MEGF11: variants seen among roughly 807,000 people sequenced by gnomAD.
MEGF11 encodes the protein multiple EGF like domains 11.
In MEGF11, 126 loss-of-function variants were observed where a neutral mutation model predicts 146.6. The observed-to-expected ratio is 0.86, with a 90% CI of 0.74 to 1.00. MEGF11 has a LOEUF of 1.00. Ranked by LOEUF, MEGF11 falls within the 50% of genes least tolerant of loss-of-function variation. MEGF11 has a pLI of 0.00. For missense variants in MEGF11, 1,509 were observed against 1,521.2 expected (o/e 0.99, Z 0.13); for synonymous variants, 532 against 583.4 (o/e 0.91, Z 1.27).
At chr15:66,118,592 C>T (rs982701140) in intron 4 of MEGF11, among the ~76,000 whole-genome samples, 1 of 152,198 alleles carries the variant, frequency 6.6e-6, no homozygotes, top group Non-Finnish European at 1.5e-5. Context: ...TCCATCTCAT[C>T]TTTGCCCCCA....
chr15:65,985,363 G>A (rs1321040495), intron 5 of MEGF11, among the ~76,000 whole-genome samples: 2 of 152,144 alleles, frequency 1.3e-5, no homozygotes, highest in African/African-American at 4.8e-5. Flanking sequence ...CAGCCACGAA[G>A]CACAGATCAG....
intron 5 of MEGF11, among the ~76,000 whole-genome samples, chr15:66,035,726 G>A (rs760595261): frequency 2.0e-5 from 3 of 152,178 alleles, no homozygotes; most frequent in Admixed American, 6.5e-5. Context: ...CAGTACAACC[G>A]AAGTCTCCTG....
chr15:66,072,759 C>T (rs1368400633), intron 5 of MEGF11, among the ~76,000 whole-genome samples: 1 of 152,222 alleles, frequency 6.6e-6, no homozygotes, highest in Non-Finnish European at 1.5e-5. Context: ...GGACAACTAT[C>T]ATCCATAGGC....
At chr15:66,122,780 T>TTTTG (rs897095896) in intron 3 of MEGF11, among the ~76,000 whole-genome samples, 3 of 151,716 alleles carry the variant, frequency 2.0e-5, no homozygotes, top group African/African-American at 7.3e-5. Flanking sequence ...TTTTGTTTTG[T>TTTTG]TTTGTTTTGT....
At position 65,904,480 on chromosome 15, in the gene MEGF11, C is replaced by T. The variant is rs918052455; in HGVS notation, c.3055+1605G>A. Among the ~76,000 whole-genome samples, 5 of 152,138 alleles carry T rather than the reference C, an allele frequency of 3.3e-5. No individual in the cohort carries two copies. In the East Asian group the frequency reaches 5.8e-4, roughly 18 times the overall value. On this transcript the variant is annotated intron_variant, in intron 24 of 25. Coordinates refer to ENST00000395614, the MANE Select transcript of MEGF11 (RefSeq NM_001385028.1). ...GGGCTGTGTATATCCTAACAAAGGC[C>T]GATAGTGACTCAGCCTTATCGCTGT...
chr15:66,214,765 C>T (rs549262486), intron 1 of MEGF11, among the ~76,000 whole-genome samples: 1 of 152,240 alleles, frequency 6.6e-6, no homozygotes, highest in African/African-American at 2.4e-5. Flanking sequence ...ACTCAGGACA[C>T]TGTGGGCACC....
intron 5 of MEGF11, among the ~76,000 whole-genome samples, chr15:66,033,375 C>A (rs2083605816): frequency 6.6e-6 from 1 of 152,198 alleles, no homozygotes; most frequent in East Asian, 1.9e-4. Flanking sequence ...GGCTCCATGC[C>A]CAGAGCCAAC....
At chr15:66,131,495 C>T (rs1365506379) in intron 1 of MEGF11, among the ~76,000 whole-genome samples, 2 of 152,168 alleles carry the variant, frequency 1.3e-5, no homozygotes, top group East Asian at 3.9e-4. Context: ...AGAGAAAGGG[C>T]ATTTCTGGGT....
At chr15:66,120,164 C>T (rs2087951790) in intron 3 of MEGF11, among the ~76,000 whole-genome samples, 1 of 152,194 alleles carries the variant, frequency 6.6e-6, no homozygotes, top group Non-Finnish European at 1.5e-5. Flanking sequence ...CCAGGTTTCA[C>T]AGGGTAGATT....
At chr15:65,934,688 G>C (rs2079702255) in intron 10 of MEGF11, among the ~76,000 whole-genome samples, 1 of 152,170 alleles carries the variant, frequency 6.6e-6, no homozygotes, top group South Asian at 2.1e-4. Flanking sequence ...AAGGAAGAGG[G>C]GCTGAAGTTT....
In MEGF11 at chr15:66,088,467, C is replaced by T. The variant is rs144743976; in HGVS notation, c.394+5935G>A. Reference sequence around the variant, plus strand: ...AGGAGTTCAAGGTCAGCTTGGCCAACATGGTGAAACCCCGTCTCTACTAAA... The same window carrying T: ...AGGAGTTCAAGGTCAGCTTGGCCAATATGGTGAAACCCCGTCTCTACTAAA... On this transcript the variant is annotated intron_variant, in intron 5 of 25. Coordinates refer to ENST00000395614, the MANE Select transcript of MEGF11 (RefSeq NM_001385028.1). Among the ~76,000 whole-genome samples, 942 of 152,286 alleles carry T rather than the reference C, an allele frequency of 6.2e-3. 11 individuals carry two copies. The highest frequency in any genetic ancestry group is 0.022 in the African/African-American group (914 of 41,556).
chr15:66,039,476 C>T (rs960861824), intron 5 of MEGF11, among the ~76,000 whole-genome samples: 1 of 152,192 alleles, frequency 6.6e-6, no homozygotes, highest in African/African-American at 2.4e-5. Context: ...TGAGTTAGAC[C>T]TTTTACTGTT....
rs1417493089 is a variant in MEGF11, at chr15:66,177,408, A to G, written c.-8-48997T>C. On this transcript the variant is annotated intron_variant, in intron 1 of 25. Coordinates refer to ENST00000395614, the MANE Select transcript of MEGF11 (RefSeq NM_001385028.1). ...TTTTTGTGTTTAATTTGTGGTGACTATCTCCTTTTACATCATGTATTCAGC... is the reference window on the plus strand; with the variant it reads ...TTTTTGTGTTTAATTTGTGGTGACTGTCTCCTTTTACATCATGTATTCAGC... 2.0e-5 allele frequency among the ~76,000 whole-genome samples: 3 copies of G among 152,142 alleles called. 1 individual carries two copies. The highest frequency in any genetic ancestry group is 4.1e-4 in the South Asian group (2 of 4,820).
intron 5 of MEGF11, among the ~76,000 whole-genome samples, chr15:66,082,591 A>G (rs1464179616): frequency 7.1e-6 from 1 of 141,840 alleles, no homozygotes; most frequent in Non-Finnish European, 1.5e-5. Flanking sequence ...AATTGCTTGA[A>G]CCCAGGAGGC....
At chr15:66,020,876 C>T (rs926052510) in intron 5 of MEGF11, among the ~76,000 whole-genome samples, 4 of 151,966 alleles carry the variant, frequency 2.6e-5, no homozygotes, top group Admixed American at 1.3e-4. Flanking sequence ...CCTGTAGTCC[C>T]AGCTACTCAG....
At chr15:66,112,122 TA>T (rs141883165) in intron 4 of MEGF11, among the ~76,000 whole-genome samples, 1,840 of 148,020 alleles carry the variant, frequency 0.012, 30 homozygotes, top group African/African-American at 0.043. Flanking sequence ...CAATCTGCCA[TA>T]ATGGAGAATC....
chr15:66,194,642 C>T (rs2090964515), intron 1 of MEGF11, among the ~76,000 whole-genome samples: 1 of 134,558 alleles, frequency 7.4e-6, no homozygotes, highest in Admixed American at 8.4e-5. Flanking sequence ...AAGAATGATA[C>T]AATGGACTTT....
At chr15:66,187,920 A>T (rs1329016097) in intron 1 of MEGF11, among the ~76,000 whole-genome samples, 4 of 152,194 alleles carry the variant, frequency 2.6e-5, no homozygotes, top group African/African-American at 7.2e-5. Flanking sequence ...GGAAATACAC[A>T]TTGAAATGTT....
At chr15:66,209,590 C>A (rs543260119) in intron 1 of MEGF11, among the ~76,000 whole-genome samples, 14 of 152,216 alleles carry the variant, frequency 9.2e-5, no homozygotes, top group Admixed American at 8.5e-4. Flanking sequence ...ATAAAAGGAA[C>A]AAACCATGGA....
Sources: gnomAD v4.1 joint callset for allele counts (sites outside exome capture counted in the v4.1 genomes callset) on GRCh38, gnomAD v4.1.1 for gene constraint, MANE v1.5 for transcripts, NCBI Gene and HGNC (gene_info 2026-07-23, HGNC 2026-07-21) for gene names.